Variants in AKAP3 observed in about 807,000 individuals in gnomAD.
The protein encoded by AKAP3 is A-kinase anchor protein 3.
Under a neutral mutation model 57.2 loss-of-function variants are expected in AKAP3, and 27 were observed. The observed-to-expected ratio is 0.47, with a 90% CI of 0.35 to 0.65. AKAP3 has a LOEUF of 0.65. Ranked by LOEUF, AKAP3 falls within the 30% of genes least tolerant of loss-of-function variation. The pLI, the probability that AKAP3 is intolerant of heterozygous loss-of-function variation, is 0.01. For synonymous variants in AKAP3, 334 were observed against 392.3 expected, an observed-to-expected ratio of 0.85 and a Z score of 1.76; for missense variants, 959 against 1,040.0, an observed-to-expected ratio of 0.92 and a Z score of 1.07.
At position 4,631,157 on chromosome 12, in the gene AKAP3, C is replaced by T. The variant is rs142661886; in HGVS notation, c.97-2352G>A. On this transcript the variant is annotated intron_variant, in intron 4 of 5. Coordinates refer to ENST00000228850, the MANE Select transcript of AKAP3 (RefSeq NM_001278309.2). Reference sequence around the variant, plus strand: ...CTAATTTTGTTTTTGGTTCTCACTTCGGTTTGTTTATGGCCAATTGGTGGC... The same window carrying T: ...CTAATTTTGTTTTTGGTTCTCACTTTGGTTTGTTTATGGCCAATTGGTGGC... Among the ~76,000 whole-genome samples the T allele has an allele frequency of 2.1e-3, 314 of 152,176 alleles. 3 individuals are homozygous for T. The highest frequency in any genetic ancestry group is 0.015 in the South Asian group (72 of 4,816).
chr12:4,645,753 G>A (rs1945690993), intron 1 of AKAP3: 1 of 152,154 alleles, frequency 6.6e-6, no homozygotes, highest in Non-Finnish European at 1.5e-5. Flanking sequence ...GGTTCTAAAA[G>A]ACCATGGACT....
chr12:4,637,469 C>T (rs981378670), intron 4 of AKAP3, among the ~76,000 whole-genome samples: 1 of 152,294 alleles, frequency 6.6e-6, no homozygotes, highest in East Asian at 1.9e-4. Flanking sequence ...GGGGTAGTAG[C>T]TGCTTTCTGC....
At position 4,628,178 on chromosome 12, in the gene AKAP3, A is replaced by C; in HGVS notation, c.724T>G (p.Tyr242Asp). The change falls in exon 5 of 6, where the codon TAT (tyrosine) becomes GAT (aspartate). Residue 242 changes from tyrosine to aspartate, a missense_variant. Physicochemically the swap from Tyr to Asp is radical, Grantham distance 160. Transcript: ENST00000228850. ...TTACGAGATTCAAACACTTCCTTATAGAAGAAAGACTTCTTAGAAGGAGGC... is the reference window on the plus strand; with the variant it reads ...TTACGAGATTCAAACACTTCCTTATCGAAGAAAGACTTCTTAGAAGGAGGC... Reference protein sequence around the residue: ...DKPPSKKSFFYKEVFESRNGD... With the variant: ...DKPPSKKSFFDKEVFESRNGD... 1 of 1,614,150 alleles carries C rather than the reference A, an allele frequency of 6.2e-7. No homozygotes were observed. Among genetic ancestry groups the C allele is most frequent in the Non-Finnish European group, 8.5e-7 (1 of 1,180,004 alleles).
In AKAP3 at chr12:4,638,246, T is replaced by C. The variant is rs200011619; in HGVS notation, c.1-50A>G. On this transcript the variant is annotated intron_variant, in intron 3 of 5. Transcript: ENST00000228850. ...AAAGGGTCATCACAAGGGCAGATTT[T>C]ATGAAAGTAAGAAGAAATGTGGTAA... is the stretch of plus-strand genomic sequence containing the variant. 555 of 1,306,662 alleles carry C rather than the reference T, an allele frequency of 4.2e-4. 1 individual carries two copies. Among genetic ancestry groups the C allele is most frequent in the Non-Finnish European group, 5.9e-4 (541 of 922,472 alleles). 80.9% of individuals were successfully genotyped at this position (1,306,662 alleles called of 1,614,324 possible).
chr12:4,617,093 G>A (rs559963433), intron 5 of AKAP3, among the ~76,000 whole-genome samples: 47 of 152,162 alleles, frequency 3.1e-4, no homozygotes, highest in Admixed American at 2.8e-3. Flanking sequence ...AGCATCCAGA[G>A]AAAACCATTT....
intron 5 of AKAP3, among the ~76,000 whole-genome samples, chr12:4,618,330 A>AT (rs1248771148): frequency 6.6e-6 from 1 of 152,206 alleles, no homozygotes; most frequent in Non-Finnish European, 1.5e-5. Context: ...GGTCAATAGG[A>AT]TTTTTTAATA....
Position 4,638,096 on chromosome 12 carries a change from C to T in AKAP3, c.96+5G>A. ...CCTAGTGTTTATCAAGAGGTTGACC[C>T]TTACCATTTTCCAGTCCTGGGCTTG... On this transcript the variant is annotated splice_donor_5th_base_variant and intron_variant, in intron 4 of 5. Coordinates refer to ENST00000228850, the MANE Select transcript of AKAP3 (RefSeq NM_001278309.2). The T allele has an allele frequency of 6.2e-7, 1 of 1,603,900 alleles. No homozygotes were observed. Among genetic ancestry groups the T allele is most frequent in the Non-Finnish European group, 8.5e-7 (1 of 1,170,744 alleles).
In AKAP3 at chr12:4,615,964, G is replaced by A; in HGVS notation, c.2407-70C>T. The A allele has an allele frequency of 1.9e-6, 3 of 1,592,698 alleles. No homozygotes were observed. The South Asian group carries it at 3.4e-5, about 18-fold the overall frequency. On this transcript the variant is annotated intron_variant, in intron 5 of 5. Transcript: ENST00000228850. ...TGGCAGGCCAGATGGAGCCTGCCAAGGCTGGAGCAGAGAGGCCAGGCAGAC... is the reference window on the plus strand; with the variant it reads ...TGGCAGGCCAGATGGAGCCTGCCAAAGCTGGAGCAGAGAGGCCAGGCAGAC...
At chr12:4,623,366 A>G (rs560842547) in intron 5 of AKAP3, among the ~76,000 whole-genome samples, 1 of 152,384 alleles carries the variant, frequency 6.6e-6, no homozygotes, top group East Asian at 1.9e-4. Flanking sequence ...CTAAGTGCCC[A>G]TCAATGGCAG....
In AKAP3 at chr12:4,625,810, A is replaced by C. The variant is rs755338055; in HGVS notation, c.2406+686T>G. Among the ~76,000 whole-genome samples the C allele has an allele frequency of 2.6e-5, 4 of 152,028 alleles. No homozygotes were observed. Among genetic ancestry groups the C allele is most frequent in the Non-Finnish European group, 5.9e-5 (4 of 68,008 alleles). On this transcript the variant is annotated intron_variant, in intron 5 of 5. Coordinates refer to ENST00000228850, the MANE Select transcript of AKAP3 (RefSeq NM_001278309.2). This position sits in a 1 kb window ranked among gnomAD's most constrained non-coding sequence, Gnocchi z 5.4. ...ACTTCAGTGTGAAGCATCTGGGGTA[A>C]GTGTGCGTGTTCTCCAGACTCAAAC...
In AKAP3 at chr12:4,648,809, C is replaced by G. The variant is rs79542732; in HGVS notation, c.-309G>C. 4.2e-3 allele frequency: 1,357 copies of G among 326,692 alleles called. 7 individuals are homozygous for G. The highest frequency in any genetic ancestry group is 9.0e-3 in the Admixed American group (182 of 20,286). The allele number at this position is 326,692 out of a possible 1,614,324, so 20.2% of individuals were successfully genotyped here. A position where few individuals can be genotyped will look rare whatever the true frequency, so the allele number is the denominator to read the frequency against. On this transcript the variant is annotated 5_prime_UTR_variant, in exon 1 of 6. Coordinates refer to ENST00000228850, the MANE Select transcript of AKAP3 (RefSeq NM_001278309.2). ...AACTGAGAGTCAGGAAAGGTGAGCT[C>G]TTCTACCTCGGGTCTTGCCATTTTG...
chr12:4,626,339 T>C (rs1945411227), intron 5 of AKAP3, among the ~76,000 whole-genome samples, 157 bp downstream of exon 5: 1 of 152,218 alleles, frequency 6.6e-6, no homozygotes, highest in Admixed American at 6.5e-5. Flanking sequence ...CTAATTTTAC[T>C]TTATCCATTA....
intron 5 of AKAP3, among the ~76,000 whole-genome samples, chr12:4,621,364 C>T (rs571262615): frequency 7.2e-4 from 110 of 152,240 alleles, no homozygotes; most frequent in African/African-American, 2.6e-3. Context: ...ACAGTAATGT[C>T]CTAGGCCTTC....
chr12:4,642,755 T>A (rs1041467189), intron 2 of AKAP3, among the ~76,000 whole-genome samples: 8 of 152,230 alleles, frequency 5.3e-5, no homozygotes, highest in Non-Finnish European at 7.3e-5. Flanking sequence ...CTGGATGACT[T>A]CATAAGGGGA....
At position 4,626,607 on chromosome 12, in the gene AKAP3, C is replaced by T. The variant is rs11063264; in HGVS notation, c.2295G>A (p.Thr765=). 78 of 1,614,170 alleles carry T rather than the reference C, an allele frequency of 4.8e-5. No homozygotes were observed. The East Asian group carries it at 1.3e-3, about 28-fold the overall frequency. The part of the protein sequence containing the change: ...PTVIVSNHNL[T]DTVQNKQLQA... Reference sequence around the variant, plus strand: ...GGAGTTGCTTGTTCTGAACTGTGTCCGTTAGGTTGTGATTGCTGACAATCA... The same window carrying T: ...GGAGTTGCTTGTTCTGAACTGTGTCTGTTAGGTTGTGATTGCTGACAATCA... The change falls in exon 5 of 6, where the codon ACG becomes ACA. Residue 765 remains threonine (T), a synonymous_variant. Coordinates refer to ENST00000228850, the MANE Select transcript of AKAP3 (RefSeq NM_001278309.2).
At chr12:4,632,624 TTTTG>T (rs368394342) in intron 4 of AKAP3, among the ~76,000 whole-genome samples, 338 of 151,762 alleles carry the variant, frequency 2.2e-3, no homozygotes, top group African/African-American at 7.8e-3. Flanking sequence ...ACAGAGGGCT[TTTTG>T]TTTGTTTGTT....
intron 4 of AKAP3, chr12:4,635,563 T>A (rs572752321): frequency 2.8e-6 from 2 of 708,968 alleles, no homozygotes; most frequent in African/African-American, 1.8e-5. Context: ...GGAAATCTAC[T>A]GCTCTTTTAT....
intron 5 of AKAP3, among the ~76,000 whole-genome samples, chr12:4,617,871 C>A (rs932050356): frequency 6.6e-6 from 1 of 151,614 alleles, no homozygotes; most frequent in Non-Finnish European, 1.5e-5. Context: ...GATAAAGGAA[C>A]CTTATATGGT....
intron 5 of AKAP3, among the ~76,000 whole-genome samples, chr12:4,616,162 T>A (rs987684484): frequency 6.6e-6 from 1 of 152,242 alleles, no homozygotes; most frequent in Admixed American, 6.5e-5. Context: ...GTCTCCATCA[T>A]TGTCCTAAGA....
Sources: gnomAD v4.1 joint callset for allele counts (sites outside exome capture counted in the v4.1 genomes callset) on GRCh38, gnomAD v4.1.1 for gene constraint, Gnocchi (gnomAD v3.1) non-coding constraint, MANE v1.5 for transcripts, NCBI Gene and HGNC (gene_info 2026-07-23, HGNC 2026-07-21) for gene names.